ADGRL3: variants seen among roughly 807,000 people sequenced by gnomAD.
ADGRL3 encodes the protein adhesion G protein-coupled receptor L3.
A neutral mutation model predicts 153.5 loss-of-function variants in ADGRL3; 62 were observed. That is an observed-to-expected ratio of 0.40 (90% CI 0.33 to 0.50). The LOEUF is 0.50. Among genes scored for constraint, ADGRL3 ranks in the 20% least tolerant of loss-of-function variants. The pLI, the probability that ADGRL3 is intolerant of heterozygous loss-of-function variation, is 0.47. For missense variants in ADGRL3, 1,641 were observed against 1,859.4 expected, an observed-to-expected ratio of 0.88 and a Z score of 2.16; for synonymous variants, 710 against 672.5, an observed-to-expected ratio of 1.06 and a Z score of -0.86.
chr4:61,335,926 G>A (rs2095665320), intron 1 of ADGRL3, among the ~76,000 whole-genome samples: 1 of 152,036 alleles, frequency 6.6e-6, no homozygotes, highest in African/African-American at 2.4e-5. Flanking sequence ...ATTAAGTATT[G>A]TTTACACCTC....
chr4:61,851,203 C>T (rs552860159), intron 9 of ADGRL3, among the ~76,000 whole-genome samples: 1 of 152,156 alleles, frequency 6.6e-6, no homozygotes, highest in Admixed American at 6.5e-5. Flanking sequence ...TGAAGATCTT[C>T]AGTAGTAACA....
chr4:61,911,304 T>C (rs2098720795), intron 12 of ADGRL3, among the ~76,000 whole-genome samples: 1 of 152,214 alleles, frequency 6.6e-6, no homozygotes. Flanking sequence ...TCTAACTGGC[T>C]ACAGCTAATC....
intron 2 of ADGRL3, among the ~76,000 whole-genome samples, chr4:61,464,636 A>G (rs2097858738): frequency 6.6e-6 from 1 of 152,218 alleles, no homozygotes. Context: ...GGCAATTTCT[A>G]CATAGTCTAT....
intron 21 of ADGRL3, 116 bp downstream of exon 21, chr4:61,998,381 T>C (rs909628611): frequency 4.2e-6 from 2 of 474,290 alleles, no homozygotes; most frequent in African/African-American, 4.0e-5. Flanking sequence ...GTGTATTGTC[T>C]TTGCTAAATA....
chr4:61,471,979 A>G (rs953924052), intron 2 of ADGRL3, among the ~76,000 whole-genome samples: 1 of 152,128 alleles, frequency 6.6e-6, no homozygotes, highest in Non-Finnish European at 1.5e-5. Flanking sequence ...AATACATTAA[A>G]TACAATAAAT....
chr4:61,762,700 A>T (rs1415803720), intron 8 of ADGRL3, among the ~76,000 whole-genome samples: 1 of 152,192 alleles, frequency 6.6e-6, no homozygotes, highest in Non-Finnish European at 1.5e-5. Flanking sequence ...AACATGAAGC[A>T]CAGGAAATTA....
At chr4:62,069,552 G>A (rs1182373643) in intron 26 of ADGRL3, among the ~76,000 whole-genome samples, 1 of 151,864 alleles carries the variant, frequency 6.6e-6, no homozygotes, top group Non-Finnish European at 1.5e-5. Context: ...TTTGTATGAA[G>A]GGATTATTTT....
Position 61,946,982 on chromosome 4 carries a change from A to G in ADGRL3, c.2488A>G (p.Met830Val), listed in dbSNP as rs536119962. The change falls in exon 16 of 27, where the codon ATG (methionine) becomes GTG (valine). Residue 830 changes from methionine (M) to valine (V), a missense_variant. Met to Val is a conservative substitution (Grantham distance 21). This residue lies in a region of ADGRL3 where 734 missense variants were observed against 797.0 expected (regional missense o/e 0.92). Coordinates refer to ENST00000683033, the MANE Select transcript of ADGRL3 (RefSeq NM_001387552.1). ...TTATTTATCCACGGAGAATGCCAGT[A>G]TGAAGTTGGGAACGGAAGCTTTGTC... ...GPYLSTENAS[M>V]KLGTEALSTN... 3.4e-5 allele frequency: 55 copies of G among 1,613,858 alleles called. No individual in the cohort carries two copies. In the South Asian group the frequency reaches 5.5e-4, roughly 16 times the overall value.
At chr4:61,547,199 A>G (rs1249908334) in intron 4 of ADGRL3, among the ~76,000 whole-genome samples, 1 of 152,022 alleles carries the variant, frequency 6.6e-6, no homozygotes, top group Non-Finnish European at 1.5e-5. Flanking sequence ...TGGTTGTTAA[A>G]TATTTACCAG....
At chr4:61,749,282 C>A (rs1055078167) in intron 8 of ADGRL3, among the ~76,000 whole-genome samples, 2 of 151,568 alleles carry the variant, frequency 1.3e-5, no homozygotes, top group African/African-American at 4.9e-5. Flanking sequence ...CTAGTTCAAC[C>A]ATCGTGGAAG....
chr4:61,203,289 A>G (rs1161857736), intron 1 of ADGRL3, among the ~76,000 whole-genome samples: 3 of 152,216 alleles, frequency 2.0e-5, no homozygotes, highest in Admixed American at 6.5e-5. Flanking sequence ...AGCCACCTCC[A>G]GGGTGTCTCC....
chr4:62,034,549 C>T (rs1226347783), intron 23 of ADGRL3, among the ~76,000 whole-genome samples: 10 of 151,748 alleles, frequency 6.6e-5, no homozygotes, highest in Admixed American at 3.3e-4. Context: ...TAAAAACTGT[C>T]GTGTACTTGT....
At chr4:61,871,119 A>T (rs1012251390) in intron 9 of ADGRL3, among the ~76,000 whole-genome samples, 3 of 151,956 alleles carry the variant, frequency 2.0e-5, no homozygotes, top group African/African-American at 7.3e-5. Flanking sequence ...TCTACTAAAA[A>T]TACAAAAAAT....
chr4:61,385,887 CTGTG>C (rs1225820726), intron 2 of ADGRL3: 1 of 151,994 alleles, frequency 6.6e-6, no homozygotes, highest in Non-Finnish European at 1.5e-5. Context: ...CTCACATTTT[CTGTG>C]TGTGTGTTTG....
intron 2 of ADGRL3, among the ~76,000 whole-genome samples, chr4:61,463,364 G>A (rs1478192218): frequency 1.3e-5 from 2 of 152,152 alleles, no homozygotes; most frequent in African/African-American, 4.8e-5. Context: ...CATGGCAGAA[G>A]GCGAAGGGGA....
At chr4:61,397,673 C>G (rs1578636024) in intron 2 of ADGRL3, among the ~76,000 whole-genome samples, 1 of 151,786 alleles carries the variant, frequency 6.6e-6, no homozygotes, top group African/African-American at 2.4e-5. Flanking sequence ...CATATGAATA[C>G]CTCTACCAGG....
chr4:61,869,395 G>A (rs1321886187), intron 9 of ADGRL3, among the ~76,000 whole-genome samples: 3 of 151,326 alleles, frequency 2.0e-5, no homozygotes, highest in South Asian at 2.1e-4. Context: ...TCAGGAGATC[G>A]AGACCATCCT....
chr4:61,994,667 T>C (rs1033366825), intron 19 of ADGRL3, among the ~76,000 whole-genome samples: 3 of 152,150 alleles, frequency 2.0e-5, no homozygotes, highest in African/African-American at 7.2e-5. Flanking sequence ...ACCTAAAACA[T>C]ATGGCTAAAG....
rs567633021 is a variant in ADGRL3, at chr4:61,611,441, C to A, written c.473+24001C>A. Among the ~76,000 whole-genome samples, 3 of 152,092 alleles carry A rather than the reference C, an allele frequency of 2.0e-5. No individual in the cohort carries two copies. The South Asian group carries it at 6.2e-4, about 32-fold the overall frequency. On this transcript the variant is annotated intron_variant, in intron 5 of 26. Coordinates refer to ENST00000683033, the MANE Select transcript of ADGRL3 (RefSeq NM_001387552.1). ...TTGTTGAAAAACTAGCTGTCTATGTCATAGTAGCTATAGTAAATTTAATTT... is the reference window on the plus strand; with the variant it reads ...TTGTTGAAAAACTAGCTGTCTATGTAATAGTAGCTATAGTAAATTTAATTT...
Sources: allele counts gnomAD v4.1 joint callset (sites outside exome capture counted in the v4.1 genomes callset), GRCh38; gene constraint gnomAD v4.1.1; regional missense constraint gnomAD v4.1.1; transcripts MANE v1.5; gene names NCBI Gene and HGNC (gene_info 2026-07-23, HGNC 2026-07-21).